CHRNA6: variants seen among roughly 807,000 people sequenced by gnomAD.
CHRNA6 encodes the protein cholinergic receptor nicotinic alpha 6 subunit.
A neutral mutation model predicts 40.9 loss-of-function variants in CHRNA6; 31 were observed. That is an observed-to-expected ratio of 0.76 (90% CI 0.57 to 1.02). CHRNA6 has a LOEUF of 1.02. CHRNA6 is among the 50% of genes least tolerant of loss of function. The pLI is 0.00. For missense variants in CHRNA6, 546 were observed against 596.6 expected, an observed-to-expected ratio of 0.92 and a Z score of 0.88; for synonymous variants, 222 against 221.3, an observed-to-expected ratio of 1.00 and a Z score of -0.03.
intron 5 of CHRNA6, among the ~76,000 whole-genome samples, chr8:42,755,244 G>A (rs1369065205): frequency 6.8e-6 from 1 of 146,116 alleles, no homozygotes; most frequent in Non-Finnish European, 1.5e-5. Flanking sequence ...GAGGCTCTTA[G>A]TTTCATTAAC....
chr8:42,764,933 C>T (rs928800747), intron 2 of CHRNA6, 132 bp downstream of exon 2: 83 of 966,242 alleles, frequency 8.6e-5, no homozygotes, highest in Non-Finnish European at 1.1e-4. Context: ...AACTGCCTGC[C>T]TCCCAAATGG....
In CHRNA6 at chr8:42,756,296, T is replaced by C; in HGVS notation, c.903A>G (p.Pro301=). The change falls in exon 5 of 6, where the codon CCA becomes CCG. Residue 301 remains proline, a synonymous_variant. Coordinates refer to ENST00000276410, the MANE Select transcript of CHRNA6 (RefSeq NM_004198.3). ...TGAACAGCAGGTACTCACCCACCAGTGGGACCACCAGAGATGTGGATGGGA... is the reference window on the plus strand; with the variant it reads ...TGAACAGCAGGTACTCACCCACCAGCGGGACCACCAGAGATGTGGATGGGA... The part of the protein sequence containing the change: ...ETIPSTSLVV[P]LVGEYLLFTM... The C allele has an allele frequency of 6.2e-7, 1 of 1,614,220 alleles. No homozygotes were observed. Among genetic ancestry groups the C allele is most frequent in the East Asian group, 2.2e-5 (1 of 44,886 alleles).
At position 42,768,622 on chromosome 8, in the gene CHRNA6, G is replaced by T; in HGVS notation, c.-192C>A. ...CAGGATCAGAGACTGAGGCAGACAT[G>T]AAGGGCGAATAAAAAAGATTCGATC... is the stretch of plus-strand genomic sequence containing the variant. On this transcript the variant is annotated 5_prime_UTR_variant, in exon 1 of 6. The change creates a premature stop within an existing upstream ORF in the 5' untranslated region. Transcript: ENST00000276410. The T allele has an allele frequency of 4.0e-6, 2 of 498,136 alleles. No homozygotes were observed. Among genetic ancestry groups the T allele is most frequent in the Non-Finnish European group, 7.2e-6 (2 of 276,068 alleles). The allele number at this position is 498,136 out of a possible 1,614,324, so 30.9% of individuals were successfully genotyped here.
Position 42,756,426 on chromosome 8 carries a change from G to C in CHRNA6, c.773C>G (p.Thr258Ser). ...CGAAGGAAGGTAAAAGACCAACACG[G>C]TTAGAAATGAAATAAAGAGACAAGG... is the stretch of plus-strand genomic sequence containing the variant. ...IIPCLFISFL[T>S]VLVFYLPSDC... The change falls in exon 5 of 6, where the codon ACC (threonine) becomes AGC (serine). Residue 258 changes from threonine to serine, a missense_variant. By Grantham distance (58) the Thr-to-Ser change is moderately conservative. Transcript: ENST00000276410. 6.2e-7 allele frequency: 1 copy of C among 1,614,222 alleles called. No homozygotes were observed.
intron 5 of CHRNA6, among the ~76,000 whole-genome samples, chr8:42,755,325 G>A (rs755944226): frequency 4.0e-5 from 6 of 151,806 alleles, no homozygotes; most frequent in African/African-American, 7.3e-5. Flanking sequence ...CACCCAGGCT[G>A]GAGTGCAGGG....
chr8:42,760,094 T>C (rs1374923074), intron 2 of CHRNA6, among the ~76,000 whole-genome samples: 1 of 152,204 alleles, frequency 6.6e-6, no homozygotes, highest in Non-Finnish European at 1.5e-5. Context: ...TCTTAGCTGT[T>C]AGATGGGGAG....
chr8:42,763,870 G>A (rs1816937827), intron 2 of CHRNA6, among the ~76,000 whole-genome samples: 1 of 152,144 alleles, frequency 6.6e-6, no homozygotes, highest in South Asian at 2.1e-4. Flanking sequence ...ATGTGGTGGG[G>A]TCTGACTCAT....
At chr8:42,759,464 T>C in intron 2 of CHRNA6, 1 of 235,214 alleles carries the variant, frequency 4.3e-6, no homozygotes, top group Non-Finnish European at 8.7e-6. Flanking sequence ...GGGAGGGAGA[T>C]GCTGCAGAAA....
rs749422210 is a variant in CHRNA6 at position 42,756,728 on chromosome 8, G to A, written c.471C>T (p.Ser157=). 7 of 1,613,986 alleles carry A rather than the reference G, an allele frequency of 4.3e-6. No individual in the cohort carries two copies. Among genetic ancestry groups the A allele is most frequent in the Non-Finnish European group, 5.9e-6 (7 of 1,180,020 alleles). The change falls in exon 5 of 6, where the codon TCC becomes TCT. Residue 157 remains serine, a synonymous_variant. Transcript: ENST00000276410. ...TWTPPAIFKS[S]CPMDITFFPF... is the part of the protein sequence containing the mutation. ...GGAAAAAGGTGATATCCATAGGGCA[G>A]GAACTCTTAAAAATAGCTGGTGGAG...
intron 1 of CHRNA6, among the ~76,000 whole-genome samples, chr8:42,766,516 A>G (rs1169910840): frequency 1.3e-5 from 2 of 152,118 alleles, no homozygotes; most frequent in African/African-American, 2.4e-5. Context: ...GAAAGAAAGA[A>G]AGAAAATGTG....
chr8:42,757,450 C>T (rs7002205), intron 3 of CHRNA6, among the ~76,000 whole-genome samples: 88 of 151,714 alleles, frequency 5.8e-4, no homozygotes, highest in African/African-American at 2.0e-3. Flanking sequence ...TTTGGCCAGG[C>T]GTGGTGGCTC....
intron 2 of CHRNA6, among the ~76,000 whole-genome samples, chr8:42,763,117 G>A (rs930017143): frequency 3.9e-5 from 6 of 152,146 alleles, no homozygotes; most frequent in African/African-American, 1.2e-4. Flanking sequence ...ATGTGAGGAT[G>A]GGAATACAGC....
Position 42,758,748 on chromosome 8 carries a change from C to CT in CHRNA6, c.264+320dup, listed in dbSNP as rs1816849782. ...ACATGCTCCCAAGCTCAGCTACTGA[C>CT]TTCTCCAAGCCTGGTCAAGCAGGGA... is the stretch of plus-strand genomic sequence containing the variant. On this transcript the variant is annotated intron_variant, in intron 3 of 5. Coordinates refer to ENST00000276410, the MANE Select transcript of CHRNA6 (RefSeq NM_004198.3). Among the ~76,000 whole-genome samples, 4 of 152,180 alleles carry CT rather than the reference C, an allele frequency of 2.6e-5. No homozygotes were observed. In the South Asian group the frequency reaches 8.3e-4, roughly 32 times the overall value.
At position 42,755,751 on chromosome 8, in the gene CHRNA6, G is replaced by A. The variant is rs187409039; in HGVS notation, c.1353+95C>T. The A allele has an allele frequency of 4.8e-5, 68 of 1,422,820 alleles. No individual in the cohort carries two copies. The Middle Eastern group carries it at 9.2e-4, about 19-fold the overall frequency. 88.1% of individuals were successfully genotyped at this position (1,422,820 alleles called of 1,614,324 possible). A position where few individuals can be genotyped will look rare whatever the true frequency, so the allele number is the denominator to read the frequency against. On this transcript the variant is annotated intron_variant, in intron 5 of 5. Transcript: ENST00000276410. ...GAGCAAGGCCGCCTGACCCTCTCAG[G>A]AACAAAAGTCACACTGAAGGTCTGA...
At chr8:42,758,742 T>C (rs1037831300) in intron 3 of CHRNA6, among the ~76,000 whole-genome samples, 16 of 152,274 alleles carry the variant, frequency 1.1e-4, no homozygotes, top group African/African-American at 3.6e-4. Context: ...CAAGCTCAGC[T>C]ACTGACTTCT....
chr8:42,758,852 A>G (rs757892258), intron 3 of CHRNA6, among the ~76,000 whole-genome samples: 1 of 152,212 alleles, frequency 6.6e-6, no homozygotes, highest in Non-Finnish European at 1.5e-5. Flanking sequence ...ACCAGGAAGG[A>G]TGGAAACCTC....
chr8:42,759,979 C>G (rs1286703034), intron 2 of CHRNA6, among the ~76,000 whole-genome samples: 1 of 151,820 alleles, frequency 6.6e-6, no homozygotes, highest in Non-Finnish European at 1.5e-5. Flanking sequence ...GAAGCCACCA[C>G]TTCGATCGTT....
chr8:42,754,324 C>G (rs535823901), intron 5 of CHRNA6, among the ~76,000 whole-genome samples: 1 of 152,160 alleles, frequency 6.6e-6, no homozygotes, highest in East Asian at 1.9e-4. Flanking sequence ...GGACAACAGG[C>G]TTGGCAAATT....
chr8:42,753,059 G>A lies in CHRNA6; in HGVS notation c.*120C>T. 2 of 848,510 alleles carry A rather than the reference G, an allele frequency of 2.4e-6. No individual in the cohort carries two copies. The highest frequency in any genetic ancestry group is 3.7e-6 in the Non-Finnish European group (2 of 546,768). The allele number at this position is 848,510 out of a possible 1,614,324, so 52.6% of individuals were successfully genotyped here. A position where few individuals can be genotyped will look rare whatever the true frequency, so the allele number is the denominator to read the frequency against. Reference sequence around the variant, plus strand: ...CAAGAAAGTCCTCTTTTTCCATGTAGCCATCAGTTTTAGCAGATGGGGGAC... The same window carrying A: ...CAAGAAAGTCCTCTTTTTCCATGTAACCATCAGTTTTAGCAGATGGGGGAC... On this transcript the variant is annotated 3_prime_UTR_variant, in exon 6 of 6. Transcript: ENST00000276410.
Sources: allele counts gnomAD v4.1 joint callset (sites outside exome capture counted in the v4.1 genomes callset), GRCh38; gene constraint gnomAD v4.1.1; transcripts MANE v1.5; gene names NCBI Gene and HGNC (gene_info 2026-07-23, HGNC 2026-07-21).